Variants in KMT2C observed in about 807,000 individuals in gnomAD.
The protein encoded by KMT2C is histone-lysine N-methyltransferase 2C.
A neutral mutation model predicts 507.9 loss-of-function variants in KMT2C; 88 were observed. The ratio of observed to expected loss-of-function variants is 0.17; its 90% confidence interval spans 0.15 to 0.21. The LOEUF (loss-of-function observed/expected upper bound fraction) is 0.21. Ranked by LOEUF, KMT2C falls within the 10% of genes least tolerant of loss-of-function variation. The pLI is 1.00. For missense variants in KMT2C, 4,954 were observed against 5,957.8 expected, an observed-to-expected ratio of 0.83 and a Z score of 5.55; for synonymous variants, 2,049 against 2,080.8, an observed-to-expected ratio of 0.98 and a Z score of 0.42.
chr7:152,164,525 G>A (rs960994368), intron 42 of KMT2C, among the ~76,000 whole-genome samples: 10 of 151,900 alleles, frequency 6.6e-5, no homozygotes, highest in Admixed American at 2.0e-4. Context: ...TCCTGACCTC[G>A]TGATCCGCCC....
In KMT2C at chr7:152,148,104, C is replaced by T. The variant is rs201742813; in HGVS notation, c.13823G>A (p.Arg4608His). 1.4e-4 allele frequency: 227 copies of T among 1,610,790 alleles called. No individual in the cohort carries two copies. Among genetic ancestry groups the T allele is most frequent in the Middle Eastern group, 8.3e-4 (5 of 6,048 alleles). ...CACAATCCTGATGACAAACACTGGGCGCCCATCCTTCTCCTCAATGGAGCA... is the reference window on the plus strand; with the variant it reads ...CACAATCCTGATGACAAACACTGGGTGCCCATCCTTCTCCTCAATGGAGCA... ...YLCSIEEKDGRPVFVIRIVEQ... is the reference protein window; with the variant it reads ...YLCSIEEKDGHPVFVIRIVEQ... The change falls in exon 52 of 59, where the codon CGC becomes CAC. Residue 4608 changes from arginine to histidine, a missense_variant. Arg to His is a conservative substitution (Grantham distance 29). Around this residue, in one of 29 missense-constraint regions of KMT2C, gnomAD observed 221 missense variants for 304.7 expected, o/e 0.73. Coordinates refer to ENST00000262189, the MANE Select transcript of KMT2C (RefSeq NM_170606.3). The surrounding 1 kb of genome is among the most constrained non-coding windows in gnomAD (Gnocchi z 7.1).
rs771391133 is a variant in KMT2C, at chr7:152,154,458, A to G, written c.11961-13T>C. ...GTGATCCTGTATCCTGAAAAAACAT[A>G]AACACACACATCAAAGTCTGCAAAT... On this transcript the variant is annotated splice_polypyrimidine_tract_variant and intron_variant, in intron 46 of 58. Transcript: ENST00000262189. 3 of 1,609,522 alleles carry G rather than the reference A, an allele frequency of 1.9e-6. No homozygotes were observed. The Admixed American group carries it at 5.0e-5, about 27-fold the overall frequency.
chr7:152,152,574 G>GT (rs2091719690), intron 49 of KMT2C, 131 bp downstream of exon 49: 1 of 1,098,492 alleles, frequency 9.1e-7, no homozygotes, highest in Non-Finnish European at 1.3e-6. Context: ...CCCACACATG[G>GT]TAAGTTCACC....
chr7:152,231,497 C>G (rs1404873792), intron 16 of KMT2C, among the ~76,000 whole-genome samples: 2 of 152,292 alleles, frequency 1.3e-5, no homozygotes, highest in East Asian at 3.8e-4. Flanking sequence ...AGAAGATTAA[C>G]CAGCTGGGTG....
intron 55 of KMT2C, among the ~76,000 whole-genome samples, chr7:152,141,899 G>A (rs987232968): frequency 6.6e-6 from 1 of 152,044 alleles, no homozygotes; most frequent in African/African-American, 2.4e-5. Context: ...GCATGCGCCT[G>A]TAGCCCTGGC....
At chr7:152,164,923 A>G (rs2092663575) in intron 42 of KMT2C, among the ~76,000 whole-genome samples, 1 of 152,196 alleles carries the variant, frequency 6.6e-6, no homozygotes, top group Non-Finnish European at 1.5e-5. Context: ...ATGCAAAAGG[A>G]TGTGTATATC....
intron 3 of KMT2C, among the ~76,000 whole-genome samples, chr7:152,319,155 G>T (rs1192224949): frequency 6.6e-6 from 1 of 152,182 alleles, no homozygotes; most frequent in African/African-American, 2.4e-5. Flanking sequence ...GAATTTCTGT[G>T]GGCAGCAAGC....
intron 7 of KMT2C, among the ~76,000 whole-genome samples, chr7:152,271,639 A>G (rs2095973530): frequency 7.0e-6 from 1 of 141,894 alleles, no homozygotes; most frequent in Non-Finnish European, 1.5e-5. Flanking sequence ...ATGCCACTGC[A>G]TTCCAGCCAG....
chr7:152,417,937 C>CG (rs2097755636), intron 1 of KMT2C, among the ~76,000 whole-genome samples: 1 of 132,418 alleles, frequency 7.6e-6, no homozygotes, highest in African/African-American at 3.2e-5. Flanking sequence ...CCACCGCGCC[C>CG]ACCCTCTTTC....
intron 1 of KMT2C, among the ~76,000 whole-genome samples, chr7:152,417,698 G>C (rs2097753781): frequency 1.3e-5 from 2 of 152,068 alleles, no homozygotes; most frequent in Non-Finnish European, 2.9e-5. Context: ...CTGGAGTGTA[G>C]TGGCATGATC....
chr7:152,162,996 T>G lies in KMT2C; in HGVS notation c.10581A>C (p.Pro3527=), dbSNP rs751795095. Residue 3527 remains proline, a synonymous_variant, in exon 43 of 59, where the codon CCA becomes CCC. Transcript: ENST00000262189. ...GTCCCTGCTTCACAGAAGAAAAATT[T>G]GGGCTTCCAACAGGGATTGATGGTG... ...PDSPSIPVGS[P]NFSSVKQGHG... The G allele has an allele frequency of 1.2e-6, 2 of 1,614,086 alleles. No homozygotes were observed. Among genetic ancestry groups the G allele is most frequent in the African/African-American group, 2.7e-5 (2 of 74,940 alleles).
In KMT2C at chr7:152,181,472, G is replaced by T. The variant is rs1023755746; in HGVS notation, c.6388C>A (p.Pro2130Thr). Residue 2130 changes from proline to threonine, a missense_variant, in exon 36 of 59, where the codon CCA (proline) becomes ACA (threonine). Pro to Thr is a conservative substitution (Grantham distance 38). Coordinates refer to ENST00000262189, the MANE Select transcript of KMT2C (RefSeq NM_170606.3). ...GGAGTTCCTGGGGGTTGGGAGTATG[G>T]GTCCTGAGATGTTGGCCTTGATATG... ...GTISRPTSQDPYSQPPGTPRP... is the reference protein window; with the variant it reads ...GTISRPTSQDTYSQPPGTPRP... The T allele has an allele frequency of 6.2e-7, 1 of 1,613,922 alleles. No homozygotes were observed. Among genetic ancestry groups the T allele is most frequent in the African/African-American group, 1.3e-5 (1 of 74,866 alleles).
chr7:152,378,473 C>CACAT (rs2097346007), intron 1 of KMT2C, among the ~76,000 whole-genome samples: 1 of 152,216 alleles, frequency 6.6e-6, no homozygotes, highest in Admixed American at 6.5e-5. Context: ...TTAAAGTATG[C>CACAT]ACATTGGTTT....
chr7:152,274,918 T>C (rs2096054589), intron 6 of KMT2C, among the ~76,000 whole-genome samples: 1 of 152,196 alleles, frequency 6.6e-6, no homozygotes, highest in East Asian at 1.9e-4. Flanking sequence ...CCTATACATA[T>C]ACCAAAAAGA....
chr7:152,333,644 TA>T (rs1227199947), intron 2 of KMT2C, among the ~76,000 whole-genome samples: 2 of 152,022 alleles, frequency 1.3e-5, no homozygotes, highest in African/African-American at 4.8e-5. Flanking sequence ...CTTCCCTCTT[TA>T]AAAAAAGAAA....
intron 52 of KMT2C, 95 bp from the exon 53 acceptor site, chr7:152,146,830 A>G (rs576380302): frequency 9.4e-7 from 1 of 1,068,524 alleles, no homozygotes; most frequent in African/African-American, 1.6e-5. Flanking sequence ...AGGATTTACT[A>G]ATTTCCAAAT....
At chr7:152,195,547 C>A (rs899999255) in intron 28 of KMT2C, 148 of 985,080 alleles carry the variant, frequency 1.5e-4, no homozygotes, top group Non-Finnish European at 1.7e-4. Context: ...AGCTCTCAAC[C>A]TGGAAAGTGC....
chr7:152,309,336 A>C, intron 6 of KMT2C, among the ~76,000 whole-genome samples: 1 of 91,522 alleles, frequency 1.1e-5, no homozygotes, highest in East Asian at 3.0e-4. Context: ...TTTTTTTTTG[A>C]GGCAGGGTCT....
intron 1 of KMT2C, among the ~76,000 whole-genome samples, chr7:152,379,103 C>T (rs1416321196): frequency 2.0e-5 from 3 of 152,160 alleles, no homozygotes; most frequent in Non-Finnish European, 4.4e-5. Context: ...TTCCTTGTTC[C>T]AAGGCCCTCC....
Sources: gnomAD v4.1 joint callset for allele counts (sites outside exome capture counted in the v4.1 genomes callset) on GRCh38, gnomAD v4.1.1 for gene constraint, gnomAD v4.1.1 regional missense constraint, Gnocchi (gnomAD v3.1) non-coding constraint, MANE v1.5 for transcripts, NCBI Gene and HGNC (gene_info 2026-07-23, HGNC 2026-07-21) for gene names.